KAZN: variants seen among roughly 807,000 people sequenced by gnomAD.
KAZN encodes kazrin, periplakin interacting protein.
A neutral mutation model predicts 87.4 loss-of-function variants in KAZN; 40 were observed. The ratio of observed to expected loss-of-function variants is 0.46; its 90% CI spans 0.36 to 0.60. The LOEUF is 0.60. Among genes scored for constraint, KAZN ranks in the 20% least tolerant of loss-of-function variants. KAZN has a pLI of 0.00. For missense variants in KAZN, 898 were observed against 1,073.9 expected (o/e 0.84, Z 2.29); for synonymous variants, 466 against 458.3 (o/e 1.02, Z -0.22).
chr1:13,892,970 G>A (rs1410581499), exon 1 of KAZN: 1 of 152,104 alleles, frequency 6.6e-6, no homozygotes, highest in African/African-American at 2.4e-5. Flanking sequence ...AGTGGAGGAT[G>A]AGCCGGAGAC....
intron 1 of KAZN, among the ~76,000 whole-genome samples, chr1:14,726,038 G>A (rs1572330218): frequency 6.6e-6 from 1 of 152,192 alleles, no homozygotes; most frequent in Non-Finnish European, 1.5e-5. Context: ...TGTCTGTGTT[G>A]GTGACAGTTT....
At chr1:14,854,986 C>T (rs1369506717) in intron 1 of KAZN, among the ~76,000 whole-genome samples, 5 of 152,092 alleles carry the variant, frequency 3.3e-5, no homozygotes. Context: ...CTGGAGCTCA[C>T]CTGGCTGTGG....
At chr1:14,542,464 G>A (rs1428620670) in intron 2 of KAZN, among the ~76,000 whole-genome samples, 1 of 151,720 alleles carries the variant, frequency 6.6e-6, no homozygotes, top group African/African-American at 2.4e-5. Context: ...AAAGAACTAG[G>A]GTATAACAAC....
intron 2 of KAZN, among the ~76,000 whole-genome samples, chr1:14,326,061 A>T (rs796806655): frequency 7.2e-5 from 11 of 152,302 alleles, no homozygotes; most frequent in African/African-American, 2.2e-4. Flanking sequence ...CTCTGTCTGA[A>T]GCCCAGACTT....
intron 1 of KAZN, among the ~76,000 whole-genome samples, chr1:14,778,600 G>A (rs1157634336): frequency 2.0e-5 from 3 of 151,982 alleles, no homozygotes; most frequent in South Asian, 2.1e-4. Context: ...CTCCCCTTTT[G>A]CTCACAATTC....
In KAZN at chr1:14,599,162, C is replaced by A; in HGVS notation, c.165C>A (p.Ser55Arg). The part of the protein sequence containing the change: ...GPGPGPGAAA[S>R]ASAAGDSAAT... ...GCCCGGGCCCGGGAGCCGCGGCCAG[C>A]GCCTCGGCGGCGGGGGACTCGGCGG... The change falls in exon 1 of 15, where the codon AGC becomes AGA. Residue 55 changes from serine to arginine, a missense_variant. Ser to Arg is a moderately radical substitution (Grantham distance 110). Coordinates refer to ENST00000376030, the MANE Select transcript of KAZN (RefSeq NM_201628.3). The surrounding 1 kb of genome is among the most constrained non-coding windows in gnomAD (Gnocchi z 4.4). 2 of 1,376,420 alleles carry A rather than the reference C, an allele frequency of 1.5e-6. No homozygotes were observed. The highest frequency in any genetic ancestry group is 1.5e-5 in the African/African-American group (1 of 65,728). The allele number at this position is 1,376,420 out of a possible 1,614,324, so 85.3% of individuals were successfully genotyped here.
chr1:14,956,050 G>A (rs559301165), intron 1 of KAZN, among the ~76,000 whole-genome samples: 1 of 152,278 alleles, frequency 6.6e-6, no homozygotes, highest in East Asian at 1.9e-4. Flanking sequence ...GTGCGTCTAG[G>A]GGTGTTTGTT....
intron 2 of KAZN, among the ~76,000 whole-genome samples, chr1:14,564,288 T>C (rs1674419829): frequency 6.6e-6 from 1 of 152,018 alleles, no homozygotes; most frequent in African/African-American, 2.4e-5. Flanking sequence ...GAATAAGAAA[T>C]AGGAAAAAAT....
intron 1 of KAZN, among the ~76,000 whole-genome samples, chr1:14,747,491 G>A (rs1644294728): frequency 6.6e-6 from 1 of 152,176 alleles, no homozygotes; most frequent in South Asian, 2.1e-4. Flanking sequence ...TGGCCAGCAG[G>A]CTGGTCTTGA....
chr1:14,636,819 A>C (rs192708071), intron 1 of KAZN, among the ~76,000 whole-genome samples: 1 of 152,326 alleles, frequency 6.6e-6, no homozygotes, highest in Admixed American at 6.5e-5. Flanking sequence ...AATTTGTGAG[A>C]TACCATCCTC....
intron 13 of KAZN, among the ~76,000 whole-genome samples, chr1:15,106,060 G>T (rs995843790): frequency 2.6e-5 from 4 of 152,122 alleles, no homozygotes; most frequent in Non-Finnish European, 5.9e-5. Context: ...CAGGAGGATT[G>T]CTTGAGTCCA....
At chr1:14,797,661 A>T (rs910223464) in intron 1 of KAZN, among the ~76,000 whole-genome samples, 1 of 152,202 alleles carries the variant, frequency 6.6e-6, no homozygotes, top group Non-Finnish European at 1.5e-5. Context: ...GAGGTTCTAT[A>T]GCTTCAAGAC....
chr1:14,846,488 C>A (rs142043512), intron 1 of KAZN, among the ~76,000 whole-genome samples: 2 of 151,806 alleles, frequency 1.3e-5, no homozygotes, highest in African/African-American at 4.8e-5. Flanking sequence ...TTCAACAGAC[C>A]GTGAGATATT....
chr1:13,916,723 T>C (rs1639865926), intron 1 of KAZN, among the ~76,000 whole-genome samples: 1 of 152,230 alleles, frequency 6.6e-6, no homozygotes, highest in Middle Eastern at 3.4e-3. Flanking sequence ...CCTGAACTGA[T>C]GGCTGAACTG....
intron 1 of KAZN, among the ~76,000 whole-genome samples, chr1:14,904,337 A>G (rs1246496959): frequency 3.4e-5 from 5 of 148,904 alleles, no homozygotes; most frequent in Non-Finnish European, 7.4e-5. Flanking sequence ...GAATTGCCTC[A>G]CTTTGCAGGG....
At chr1:13,958,734 A>G (rs1010148369) in intron 1 of KAZN, among the ~76,000 whole-genome samples, 1 of 152,134 alleles carries the variant, frequency 6.6e-6, no homozygotes, top group Non-Finnish European at 1.5e-5. Flanking sequence ...CCCTGTGGGC[A>G]GATAGATACA....
intron 1 of KAZN, among the ~76,000 whole-genome samples, chr1:13,895,872 G>A (rs915644513): frequency 2.0e-5 from 3 of 152,168 alleles, no homozygotes; most frequent in Non-Finnish European, 4.4e-5. Flanking sequence ...TCTCGCTGGT[G>A]TAAACATAAA....
chr1:14,015,643 G>C (rs1570532238), intron 1 of KAZN, among the ~76,000 whole-genome samples: 1 of 147,964 alleles, frequency 6.8e-6, no homozygotes, highest in African/African-American at 2.5e-5. Flanking sequence ...ACCACACCCA[G>C]CTCACACCTG....
chr1:14,644,873 G>A (rs894417710), intron 1 of KAZN, among the ~76,000 whole-genome samples: 2 of 152,118 alleles, frequency 1.3e-5, no homozygotes, highest in African/African-American at 4.8e-5. Context: ...TGAAATCGTT[G>A]CCTGTTCTTT....
Sources: allele counts gnomAD v4.1 joint callset (sites outside exome capture counted in the v4.1 genomes callset), GRCh38; gene constraint gnomAD v4.1.1; non-coding constraint Gnocchi (gnomAD v3.1); transcripts MANE v1.5; gene names NCBI Gene and HGNC (gene_info 2026-07-23, HGNC 2026-07-21).